The following ZFPL1 variants were observed in gnomAD, a reference collection of about 807,000 sequenced individuals.
ZFPL1 encodes zinc finger protein like 1.
Under a neutral mutation model 32.0 loss-of-function variants are expected in ZFPL1, and 28 were observed. That is an observed-to-expected ratio of 0.87 (90% CI 0.65 to 1.20). The LOEUF (loss-of-function observed/expected upper bound fraction) is 1.20. Among genes scored for constraint, ZFPL1 ranks in the 50% most tolerant of loss-of-function variants. The pLI, the probability that ZFPL1 is intolerant of heterozygous loss-of-function variation, is 0.00. For synonymous variants in ZFPL1, 165 were observed against 177.0 expected, an observed-to-expected ratio of 0.93 and a Z score of 0.54; for missense variants, 386 against 424.8, an observed-to-expected ratio of 0.91 and a Z score of 0.80.
chr11:65,086,314 G>T, intron 3 of ZFPL1, 101 bp from the exon 4 acceptor site: 3 of 1,433,792 alleles, frequency 2.1e-6, no homozygotes, highest in Admixed American at 3.4e-5. Flanking sequence ...ACACACACAT[G>T]TGTCCATATG....
intron 3 of ZFPL1, chr11:65,085,995 G>GGCCGTAGCA: frequency 3.0e-5 from 6 of 197,494 alleles, no homozygotes; most frequent in South Asian, 1.6e-4. Flanking sequence ...TGCCACTTGT[G>GGCCGTAGCA]TTTGATTATG....
Position 65,086,751 on chromosome 11 carries a change from C to A in ZFPL1, c.440C>A (p.Pro147His), listed in dbSNP as rs369925125. 230 of 1,614,100 alleles carry A rather than the reference C, an allele frequency of 1.4e-4. No homozygotes were observed. Among genetic ancestry groups the A allele is most frequent in the Non-Finnish European group, 1.5e-4 (174 of 1,180,038 alleles). Residue 147 changes from proline (P) to histidine (H), a missense_variant, in exon 5 of 8, where the codon CCC (proline) becomes CAC (histidine). Coordinates refer to ENST00000294258, the MANE Select transcript of ZFPL1 (RefSeq NM_006782.4). ...GAGGTGGTGAGCCCAGAGCCCGAGC[C>A]CCTCAACACGTCTGACTTCTCTGAC... The part of the protein sequence containing the change: ...IDEVVSPEPE[P>H]LNTSDFSDWS...
At position 65,086,998 on chromosome 11, in the gene ZFPL1, C is replaced by T. The variant is rs751567708; in HGVS notation, c.552C>T (p.Pro184=). The T allele has an allele frequency of 6.2e-7, 1 of 1,614,020 alleles. No individual in the cohort carries two copies. ...SAAPAFYSQA[P]RPPASPGRPE... is the part of the protein sequence containing the mutation. ...CCCCAGCCTTCTACAGCCAGGCCCC[C>T]CGGCCCCCAGCTTCCCCAGGCCGGC... Residue 184 remains proline, a synonymous_variant, in exon 6 of 8, where the codon CCC becomes CCT. Transcript: ENST00000294258.
chr11:65,087,486 G>A, intron 7 of ZFPL1, 53 bp downstream of exon 7: 1 of 1,543,452 alleles, frequency 6.5e-7, no homozygotes, highest in Non-Finnish European at 9.0e-7. Flanking sequence ...GAGGGAATGG[G>A]AGCCAGAGGT....
chr11:65,084,776 C>T lies in ZFPL1; in HGVS notation c.78C>T (p.His26=), dbSNP rs1947655370. 6.2e-7 allele frequency: 1 copy of T among 1,614,174 alleles called. No individual in the cohort carries two copies. Among genetic ancestry groups the T allele is most frequent in the South Asian group, 1.1e-5 (1 of 91,090 alleles). The part of the protein sequence containing the change: ...CFEHRVNVCE[H]CLVANHAKCI... ...AACATCGGGTCAACGTCTGCGAGCA[C>T]TGCCTGGTAGCCAATCACGCCAAGG... The change falls in exon 2 of 8, where the codon CAC becomes CAT. Residue 26 remains histidine, a synonymous_variant. Coordinates refer to ENST00000294258, the MANE Select transcript of ZFPL1 (RefSeq NM_006782.4).
rs1337994429 is a variant in ZFPL1 at position 65,087,558 on chromosome 11, TG to T, written c.746+129del. The T allele has an allele frequency of 8.7e-6, 8 of 919,322 alleles. No individual in the cohort carries two copies. The African/African-American group carries it at 1.1e-4, about 13-fold the overall frequency. The allele number at this position is 919,322 out of a possible 1,614,324, so 56.9% of individuals were successfully genotyped here. A position where few individuals can be genotyped will look rare whatever the true frequency, so the allele number is the denominator to read the frequency against. On this transcript the variant is annotated intron_variant, in intron 7 of 7. Transcript: ENST00000294258. ...TCTGGGGAGTAACAGTACCTGGTGCTGGGGCTGTGCAGAGAGGCCTTGGCTG... is the reference window on the plus strand; with the variant it reads ...TCTGGGGAGTAACAGTACCTGGTGCTGGGCTGTGCAGAGAGGCCTTGGCTG...
rs372212872 is a variant in ZFPL1, at chr11:65,087,412, G to A, written c.725G>A (p.Gly242Asp). Residue 242 changes from glycine (G) to aspartate (D), a missense_variant, in exon 7 of 8, where the codon GGT (glycine) becomes GAT (aspartate). Coordinates refer to ENST00000294258, the MANE Select transcript of ZFPL1 (RefSeq NM_006782.4). ...AAGTACCGACGTCGGCCGGCCTTGG[G>A]TTGGCTGGCCCGGCTGCTAAGGTAC... is the stretch of plus-strand genomic sequence containing the variant. ...DDKYRRRPALGWLARLLRSRA... is the reference protein window; with the variant it reads ...DDKYRRRPALDWLARLLRSRA... The A allele has an allele frequency of 5.6e-6, 9 of 1,614,032 alleles. No individual in the cohort carries two copies. The highest frequency in any genetic ancestry group is 6.8e-6 in the Non-Finnish European group (8 of 1,180,002).
At chr11:65,084,623 TG>T (rs1458642929) in intron 1 of ZFPL1, 67 bp from the exon 2 acceptor site, 1 of 1,346,714 alleles carries the variant, frequency 7.4e-7, no homozygotes, top group African/African-American at 1.4e-5. Context: ...GAGTGGAAAC[TG>T]GGCTGGTGAG....
chr11:65,086,098 A>G (rs1947676756), intron 3 of ZFPL1: 2 of 430,782 alleles, frequency 4.6e-6, no homozygotes, highest in Non-Finnish European at 8.4e-6. Context: ...GAAACTGTTC[A>G]TTATTAGCCA....
chr11:65,085,827 GTGAA>G (rs780060970), intron 3 of ZFPL1: 3 of 195,286 alleles, frequency 1.5e-5, no homozygotes, highest in East Asian at 1.3e-4. Context: ...TGTACTTGGG[GTGAA>G]TGAATGGGTA....
chr11:65,086,999 C>G lies in ZFPL1; in HGVS notation c.553C>G (p.Arg185Gly). 1 of 1,613,916 alleles carries G rather than the reference C, an allele frequency of 6.2e-7. No individual in the cohort carries two copies. Among genetic ancestry groups the G allele is most frequent in the South Asian group, 1.1e-5 (1 of 91,068 alleles). Residue 185 changes from arginine (R) to glycine (G), a missense_variant, in exon 6 of 8, where the codon CGG becomes GGG. Physicochemically the swap from Arg to Gly is moderately radical, Grantham distance 125. Transcript: ENST00000294258. ...CCCAGCCTTCTACAGCCAGGCCCCC[C>G]GGCCCCCAGCTTCCCCAGGCCGGCC... ...AAPAFYSQAP[R>G]PPASPGRPEQ...
At position 65,088,344 on chromosome 11, in the gene ZFPL1, C is replaced by T. The variant is rs1483818845; in HGVS notation, c.*230C>T. 3.2e-6 allele frequency: 4 copies of T among 1,252,840 alleles called. No individual in the cohort carries two copies. Among genetic ancestry groups the T allele is most frequent in the African/African-American group, 3.0e-5 (2 of 67,476 alleles). The allele number at this position is 1,252,840 out of a possible 1,614,324, so 77.6% of individuals were successfully genotyped here. A position where few individuals can be genotyped will look rare whatever the true frequency, so the allele number is the denominator to read the frequency against. Reference sequence around the variant, plus strand: ...TTCCTCCCGGGTCTCCAGCCTCCGACCCCTCGCCCCATGAAGGAGCTGGCA... The same window carrying T: ...TTCCTCCCGGGTCTCCAGCCTCCGATCCCTCGCCCCATGAAGGAGCTGGCA... On this transcript the variant is annotated 3_prime_UTR_variant, in exon 8 of 8. Transcript: ENST00000294258.
Position 65,086,515 on chromosome 11 carries a change from C to G in ZFPL1, c.315C>G (p.Phe105Leu). 1.9e-6 allele frequency: 3 copies of G among 1,613,966 alleles called. No individual in the cohort carries two copies. The highest frequency in any genetic ancestry group is 2.5e-6 in the Non-Finnish European group (3 of 1,180,034). The change falls in exon 4 of 8, where the codon TTC (phenylalanine) becomes TTG (leucine). Residue 105 changes from phenylalanine to leucine, a missense_variant. Transcript: ENST00000294258. Reference sequence around the variant, plus strand: ...GCCCCAGCTGCAATGGCCCCATCTTCCCCCCAACCAACCTGGCTGGCCCCG... The same window carrying G: ...GCCCCAGCTGCAATGGCCCCATCTTGCCCCCAACCAACCTGGCTGGCCCCG... ...YQCPSCNGPI[F>L]PPTNLAGPVA... is the part of the protein sequence containing the mutation.
intron 3 of ZFPL1, chr11:65,085,738 T>G (rs1008117439): frequency 1.4e-5 from 3 of 218,598 alleles, no homozygotes; most frequent in Admixed American, 1.0e-4. Flanking sequence ...CCATATGTGT[T>G]TCTCCTTGTG....
chr11:65,085,274 C>G, intron 3 of ZFPL1, 48 bp downstream of exon 3: 1 of 1,552,482 alleles, frequency 6.4e-7, no homozygotes, highest in Non-Finnish European at 8.9e-7. Flanking sequence ...CAGGGGCCAG[C>G]TTGGTGACTG....
chr11:65,084,947 G>A, intron 2 of ZFPL1, 147 bp downstream of exon 2: 2 of 1,087,554 alleles, frequency 1.8e-6, no homozygotes, highest in Non-Finnish European at 2.7e-6. Context: ...TATATCCCCC[G>A]TTCCCAAGAG....
rs1445339800 is a variant in ZFPL1, at chr11:65,084,820, G to A, written c.102+20G>A. On this transcript the variant is annotated intron_variant, in intron 2 of 7. Coordinates refer to ENST00000294258, the MANE Select transcript of ZFPL1 (RefSeq NM_006782.4). ...GCCAAGGTGGGGCCTTCAGGGGAGCGACTGAGCAGGGCACTGGGTGGGCAA... is the reference window on the plus strand; with the variant it reads ...GCCAAGGTGGGGCCTTCAGGGGAGCAACTGAGCAGGGCACTGGGTGGGCAA... The A allele has an allele frequency of 1.2e-6, 2 of 1,613,620 alleles. No individual in the cohort carries two copies. Among genetic ancestry groups the A allele is most frequent in the South Asian group, 1.1e-5 (1 of 91,074 alleles).
intron 2 of ZFPL1, 39 bp from the exon 3 acceptor site, chr11:65,085,076 A>G (rs776911698): frequency 3.8e-6 from 6 of 1,587,600 alleles, no homozygotes; most frequent in Middle Eastern, 3.3e-4. Flanking sequence ...TAGGCCGAGC[A>G]GCCCCAGCAC....
chr11:65,084,574 G>A, intron 1 of ZFPL1, 117 bp from the exon 2 acceptor site: 3 of 821,394 alleles, frequency 3.7e-6, no homozygotes, highest in African/African-American at 1.7e-5. Context: ...GCAGGAATCT[G>A]AGATCGGGGC....
Sources: allele counts gnomAD v4.1 joint callset, GRCh38; gene constraint gnomAD v4.1.1; transcripts MANE v1.5; gene names NCBI Gene and HGNC (gene_info 2026-07-23, HGNC 2026-07-21).